Variants in AUTS2 observed in about 807,000 individuals in gnomAD.
The protein encoded by AUTS2 is activator of transcription and developmental regulator AUTS2.
In AUTS2, 17 loss-of-function variants were observed where a neutral mutation model predicts 112.4. The ratio of observed to expected loss-of-function variants is 0.15; its 90% CI spans 0.10 to 0.23. The LOEUF (loss-of-function observed/expected upper bound fraction) is 0.23, where lower values mean the gene tolerates loss of function less well. AUTS2 is among the 10% of genes least tolerant of loss of function. The probability of loss-of-function intolerance (pLI) is 1.00; values close to 1 mark genes in which losing one functional copy is unlikely to be tolerated. For synonymous variants in AUTS2, 751 were observed against 702.7 expected (o/e 1.07, Z -1.09); for missense variants, 1,510 against 1,701.6 (o/e 0.89, Z 1.98).
chr7:70,705,310 G>A (rs1809676150), intron 6 of AUTS2, among the ~76,000 whole-genome samples: 1 of 152,206 alleles, frequency 6.6e-6, no homozygotes, highest in Non-Finnish European at 1.5e-5. Flanking sequence ...ATAAGGAAAT[G>A]CCAGAAAACT....
intron 1 of AUTS2, among the ~76,000 whole-genome samples, chr7:69,824,229 C>T (rs910664156): frequency 2.0e-5 from 3 of 151,878 alleles, no homozygotes; most frequent in Non-Finnish European, 2.9e-5. Flanking sequence ...CTGGCTAACA[C>T]GGTGAAACCC....
intron 1 of AUTS2, among the ~76,000 whole-genome samples, chr7:69,731,698 C>G (rs1034795537): frequency 2.0e-5 from 3 of 152,130 alleles, no homozygotes; most frequent in African/African-American, 7.2e-5. Context: ...GGGACCTGTA[C>G]AGCTTGTGTA....
chr7:70,659,411 G>A (rs1051377123), intron 5 of AUTS2, among the ~76,000 whole-genome samples: 3 of 152,190 alleles, frequency 2.0e-5, no homozygotes, highest in East Asian at 1.9e-4. Flanking sequence ...GTGATTCCAT[G>A]TGCGGTCCGG....
At chr7:70,359,325 C>T (rs1792151548) in intron 4 of AUTS2, among the ~76,000 whole-genome samples, 1 of 152,182 alleles carries the variant, frequency 6.6e-6, no homozygotes, top group African/African-American at 2.4e-5. Flanking sequence ...CTGTAATTTA[C>T]TCTCCCTTCA....
At position 70,499,362 on chromosome 7, in the gene AUTS2, AC is replaced by A. The variant is rs1157766003; in HGVS notation, c.690+63582del. Among the ~76,000 whole-genome samples the A allele has an allele frequency of 3.3e-5, 5 of 152,314 alleles. No individual in the cohort carries two copies. The East Asian group carries it at 9.6e-4, about 29-fold the overall frequency. On this transcript the variant is annotated intron_variant, in intron 5 of 18. Transcript: ENST00000342771. ...GCTGGAGGAGTTCCAGGCAGAGGGA[AC>A]AGCACATGCAAAGGCACAGACAGGC...
At chr7:69,804,076 A>G (rs1016502024) in intron 1 of AUTS2, among the ~76,000 whole-genome samples, 4 of 152,138 alleles carry the variant, frequency 2.6e-5, no homozygotes, top group Non-Finnish European at 5.9e-5. Context: ...ATACTAAACA[A>G]CGTGTATTTC....
chr7:69,939,286 G>GGATAGAAAT (rs1796534040), intron 2 of AUTS2, among the ~76,000 whole-genome samples: 1 of 152,022 alleles, frequency 6.6e-6, no homozygotes, highest in African/African-American at 2.4e-5. Flanking sequence ...AGGAATCTTT[G>GGATAGAAAT]CCTTATAGAA....
At chr7:70,650,423 T>G (rs1033519498) in intron 5 of AUTS2, among the ~76,000 whole-genome samples, 2 of 152,160 alleles carry the variant, frequency 1.3e-5, no homozygotes, top group African/African-American at 4.8e-5. Flanking sequence ...ACCAACAGGG[T>G]CTGTCTGGGA....
chr7:70,104,880 G>T (rs1804687994), intron 2 of AUTS2, among the ~76,000 whole-genome samples: 1 of 151,778 alleles, frequency 6.6e-6, no homozygotes. Context: ...TTTATTCCAT[G>T]GTGTGATGAG....
intron 1 of AUTS2, among the ~76,000 whole-genome samples, chr7:69,698,736 G>C (rs1287358167): frequency 1.3e-5 from 2 of 152,086 alleles, no homozygotes; most frequent in African/African-American, 4.8e-5. Flanking sequence ...TTTCACACTA[G>C]GTTGTATTTT....
At chr7:70,067,421 T>G (rs1395877915) in intron 2 of AUTS2, among the ~76,000 whole-genome samples, 1 of 152,226 alleles carries the variant, frequency 6.6e-6, no homozygotes, top group Non-Finnish European at 1.5e-5. Context: ...GGGAAAAATA[T>G]AGTGAGACTG....
chr7:70,088,722 C>T (rs1000554910), intron 2 of AUTS2, among the ~76,000 whole-genome samples: 2 of 152,100 alleles, frequency 1.3e-5, no homozygotes, highest in South Asian at 2.1e-4. Context: ...AAGCGATTCT[C>T]CTGCCTCAGC....
intron 4 of AUTS2, among the ~76,000 whole-genome samples, chr7:70,206,241 A>C (rs1810568177): frequency 6.6e-6 from 1 of 152,162 alleles, no homozygotes; most frequent in Non-Finnish European, 1.5e-5. Flanking sequence ...TTACAGCTTG[A>C]AAGTGGAGGC....
chr7:70,715,748 T>G (rs569428215), intron 6 of AUTS2, among the ~76,000 whole-genome samples: 162 of 152,130 alleles, frequency 1.1e-3, no homozygotes, highest in African/African-American at 3.9e-3. Flanking sequence ...GCCAGGCTGG[T>G]CTCCAACCCC....
chr7:70,048,413 A>C (rs1245914602), intron 2 of AUTS2, among the ~76,000 whole-genome samples: 2 of 152,206 alleles, frequency 1.3e-5, no homozygotes, highest in Non-Finnish European at 1.5e-5. Flanking sequence ...TGAACCCATA[A>C]GATTTTGTAC....
intron 5 of AUTS2, among the ~76,000 whole-genome samples, chr7:70,484,425 G>C (rs989928626): frequency 6.6e-6 from 1 of 152,152 alleles, no homozygotes; most frequent in African/African-American, 2.4e-5. Context: ...GGAAGAGCAC[G>C]TGTGGCTTCT....
chr7:70,752,129 A>G (rs1788903718), intron 6 of AUTS2, among the ~76,000 whole-genome samples: 1 of 152,072 alleles, frequency 6.6e-6, no homozygotes, highest in Non-Finnish European at 1.5e-5. Context: ...TGGACAGGCC[A>G]GGACAGCTAA....
At chr7:70,530,231 T>C (rs1016864457) in intron 5 of AUTS2, among the ~76,000 whole-genome samples, 6 of 152,122 alleles carry the variant, frequency 3.9e-5, no homozygotes, top group Non-Finnish European at 7.4e-5. Context: ...GGGAGTGTTA[T>C]GGGTTTATGA....
chr7:70,763,486 G>T, intron 7 of AUTS2, 145 bp downstream of exon 7: 1 of 653,394 alleles, frequency 1.5e-6, no homozygotes. Flanking sequence ...ACAGGGAATG[G>T]GGCTGTTGGG....
Sources: gnomAD v4.1 joint callset for allele counts (sites outside exome capture counted in the v4.1 genomes callset) on GRCh38, gnomAD v4.1.1 for gene constraint, MANE v1.5 for transcripts, NCBI Gene and HGNC (gene_info 2026-07-23, HGNC 2026-07-21) for gene names.